Variants in MACROD2 observed in about 807,000 individuals in gnomAD.
MACROD2 encodes mono-ADP ribosylhydrolase 2.
In MACROD2, 36 loss-of-function variants were observed where a neutral mutation model predicts 70.4. The observed-to-expected ratio is 0.51, with a 90% confidence interval of 0.39 to 0.68. The LOEUF (loss-of-function observed/expected upper bound fraction) is 0.68. Ranked by LOEUF, MACROD2 falls within the 30% of genes least tolerant of loss-of-function variation. The pLI, the probability that MACROD2 is intolerant of heterozygous loss-of-function variation, is 0.00. For synonymous variants in MACROD2, 172 were observed against 178.8 expected (o/e 0.96, Z 0.30); for missense variants, 496 against 538.4 (o/e 0.92, Z 0.78).
chr20:15,700,313 G>C (rs1302003692), intron 8 of MACROD2, among the ~76,000 whole-genome samples: 1 of 152,248 alleles, frequency 6.6e-6, no homozygotes, highest in Non-Finnish European at 1.5e-5. Context: ...GGAGCTGAGA[G>C]AGATCCGGAG....
At chr20:15,974,105 T>C (rs144249612) in intron 13 of MACROD2, among the ~76,000 whole-genome samples, 135 of 151,950 alleles carry the variant, frequency 8.9e-4, no homozygotes, top group African/African-American at 2.8e-3. Flanking sequence ...GATGAAAGAG[T>C]TCAGAAACAG....
At chr20:14,832,162 C>G (rs1277327252) in intron 5 of MACROD2, among the ~76,000 whole-genome samples, 1 of 150,748 alleles carries the variant, frequency 6.6e-6, no homozygotes, top group Non-Finnish European at 1.5e-5. Flanking sequence ...CCTGCCTCAG[C>G]CTCCCGAGTA....
At position 14,183,150 on chromosome 20, in the gene MACROD2, G is replaced by A. The variant is rs148276024; in HGVS notation, c.271+97422G>A. Among the ~76,000 whole-genome samples, 326 of 150,514 alleles carry A rather than the reference G, an allele frequency of 2.2e-3. 2 individuals carry two copies. Among genetic ancestry groups the A allele is most frequent in the Non-Finnish European group, 3.1e-3 (210 of 67,424 alleles). On this transcript the variant is annotated intron_variant, in intron 3 of 17. Transcript: ENST00000684519. ...TATTAAGCCTAGGCTTAATAAAATT[G>A]GTTATTTTTCCTGATCCTCTCCCTC...
At chr20:14,057,989 TATAAA>T (rs1180595375) in intron 2 of MACROD2, among the ~76,000 whole-genome samples, 3 of 152,082 alleles carry the variant, frequency 2.0e-5, no homozygotes, top group African/African-American at 7.2e-5. Context: ...ATTTAAAAAC[TATAAA>T]ATACAAAAGC....
At chr20:15,411,892 T>C (rs2046083858) in intron 6 of MACROD2, among the ~76,000 whole-genome samples, 1 of 152,174 alleles carries the variant, frequency 6.6e-6, no homozygotes, top group African/African-American at 2.4e-5. Flanking sequence ...GTTTAATCCT[T>C]GGTGCTGCTT....
intron 3 of MACROD2, among the ~76,000 whole-genome samples, chr20:14,346,078 A>C (rs1398971637): frequency 1.6e-5 from 2 of 121,658 alleles, no homozygotes; most frequent in Admixed American, 2.0e-4. Flanking sequence ...TGGGTGACAG[A>C]GTGAGATTCT....
rs1486154248 is a variant in MACROD2, at chr20:14,961,523, G to A, written c.419-268417G>A. Reference sequence around the variant, plus strand: ...AGAATTCTAAGTTGTGTGTTTTTTGGGTTGTTGTTTTGTTTTGTTTTTGAG... The same window carrying A: ...AGAATTCTAAGTTGTGTGTTTTTTGAGTTGTTGTTTTGTTTTGTTTTTGAG... On this transcript the variant is annotated intron_variant, in intron 5 of 17. Coordinates refer to ENST00000684519, the MANE Select transcript of MACROD2 (RefSeq NM_001351661.2). Among the ~76,000 whole-genome samples the A allele has an allele frequency of 2.0e-5, 3 of 151,990 alleles. No individual in the cohort carries two copies. In the East Asian group the frequency reaches 5.8e-4, roughly 29 times the overall value.
Position 14,344,113 on chromosome 20 carries a change from T to A in MACROD2, c.272-149366T>A, listed in dbSNP as rs204613. ...AGACTACTTGGGTACATTAACATGCTTAATGTTGAAAGAAACATGTTTAAG... is the reference window on the plus strand; with the variant it reads ...AGACTACTTGGGTACATTAACATGCATAATGTTGAAAGAAACATGTTTAAG... On this transcript the variant is annotated intron_variant, in intron 3 of 17. Transcript: ENST00000684519. Among the ~76,000 whole-genome samples, 1,464 of 152,280 alleles carry A rather than the reference T, an allele frequency of 9.6e-3. 22 individuals carry two copies. The highest frequency in any genetic ancestry group is 0.034 in the African/African-American group (1,392 of 41,548).
intron 3 of MACROD2, among the ~76,000 whole-genome samples, chr20:14,379,773 T>C (rs190554328): frequency 2.4e-3 from 358 of 152,272 alleles, no homozygotes; most frequent in African/African-American, 8.0e-3. Flanking sequence ...ATCAATGTTG[T>C]ACCATGTATC....
intron 5 of MACROD2, among the ~76,000 whole-genome samples, chr20:14,938,652 G>T (rs969952399): frequency 1.3e-5 from 2 of 152,014 alleles, no homozygotes; most frequent in African/African-American, 4.8e-5. Context: ...TTGATGGCAG[G>T]TGCCTGTAAT....
chr20:15,703,141 C>T (rs1376617502), intron 8 of MACROD2, among the ~76,000 whole-genome samples: 1 of 152,134 alleles, frequency 6.6e-6, no homozygotes, highest in East Asian at 1.9e-4. Flanking sequence ...AAAAATTAAT[C>T]CAAGATTGAT....
At chr20:14,587,533 T>C (rs1229018574) in intron 4 of MACROD2, among the ~76,000 whole-genome samples, 1 of 151,830 alleles carries the variant, frequency 6.6e-6, no homozygotes, top group Admixed American at 6.5e-5. Context: ...TCTTTTTAAG[T>C]TCCAGGGAGA....
intron 4 of MACROD2, among the ~76,000 whole-genome samples, chr20:14,573,538 A>G (rs1980359863): frequency 6.6e-6 from 1 of 152,006 alleles, no homozygotes; most frequent in African/African-American, 2.4e-5. Context: ...TTAAAATATT[A>G]TGGATAAAGG....
rs73597721 is a variant in MACROD2, at chr20:15,946,302, C to G, written c.907+8758C>G. Among the ~76,000 whole-genome samples the G allele has an allele frequency of 2.2e-3, 335 of 152,220 alleles. 1 individual carries two copies. The South Asian group carries it at 0.023, about 11-fold the overall frequency. On this transcript the variant is annotated intron_variant, in intron 12 of 17. Transcript: ENST00000684519. ...ATCCTGATCATTTTTCAGAGTCACT[C>G]TCAATATCTTTCTTGCCCTAACTAG...
intron 3 of MACROD2, among the ~76,000 whole-genome samples, chr20:14,112,050 G>T (rs368756762): frequency 1.3e-5 from 2 of 152,022 alleles, no homozygotes; most frequent in Non-Finnish European, 2.9e-5. Context: ...ATGAGATCCA[G>T]TCATTTGTAA....
intron 3 of MACROD2, among the ~76,000 whole-genome samples, chr20:14,398,281 G>GT (rs2083601340): frequency 6.6e-6 from 1 of 152,042 alleles, no homozygotes; most frequent in Non-Finnish European, 1.5e-5. Flanking sequence ...GGGATTTCTG[G>GT]ATTATATGGT....
At chr20:14,843,957 G>A (rs577155434) in intron 5 of MACROD2, among the ~76,000 whole-genome samples, 2 of 152,120 alleles carry the variant, frequency 1.3e-5, no homozygotes, top group African/African-American at 4.8e-5. Flanking sequence ...GGTACAATTG[G>A]TACTGCCATT....
At chr20:14,691,083 A>T (rs1207900534) in intron 5 of MACROD2, among the ~76,000 whole-genome samples, 1 of 152,068 alleles carries the variant, frequency 6.6e-6, no homozygotes. Context: ...ACACCCAGCT[A>T]ATTTTTGTAT....
chr20:14,570,264 A>G (rs532615063), intron 4 of MACROD2, among the ~76,000 whole-genome samples: 6 of 152,156 alleles, frequency 3.9e-5, no homozygotes, highest in Admixed American at 3.3e-4. Context: ...AGAACATTCT[A>G]TTGTTCAATT....
Sources: gnomAD v4.1 joint callset for allele counts (sites outside exome capture counted in the v4.1 genomes callset) on GRCh38, gnomAD v4.1.1 for gene constraint, MANE v1.5 for transcripts, NCBI Gene and HGNC (gene_info 2026-07-23, HGNC 2026-07-21) for gene names.